Variants in ADAMTSL1 observed in about 807,000 individuals in gnomAD.
ADAMTSL1 encodes the protein ADAMTS-like protein 1.
In ADAMTSL1, 126 loss-of-function variants were observed where a neutral mutation model predicts 201.8. That is an observed-to-expected ratio of 0.62 (90% confidence interval 0.54 to 0.72). ADAMTSL1 has a LOEUF of 0.72. ADAMTSL1 is among the 30% of genes least tolerant of loss of function. The pLI, the probability that ADAMTSL1 is intolerant of heterozygous loss-of-function variation, is 0.00. For synonymous variants in ADAMTSL1, 1,121 were observed against 903.4 expected (o/e 1.24, Z -4.32); for missense variants, 2,679 against 2,277.8 (o/e 1.18, Z -3.59).
chr9:18,293,575 A>T (rs1833358895), intron 2 of ADAMTSL1, among the ~76,000 whole-genome samples: 1 of 152,190 alleles, frequency 6.6e-6, no homozygotes, highest in Non-Finnish European at 1.5e-5. Flanking sequence ...AAAAAGATGA[A>T]CTTTCCTGAC....
chr9:18,144,714 A>G (rs953641420), intron 1 of ADAMTSL1, among the ~76,000 whole-genome samples: 1 of 152,168 alleles, frequency 6.6e-6, no homozygotes, highest in Non-Finnish European at 1.5e-5. Flanking sequence ...TTAAAACTTT[A>G]TGTTAAATGA....
At chr9:18,207,706 A>G (rs1829711339) in intron 2 of ADAMTSL1, among the ~76,000 whole-genome samples, 1 of 152,112 alleles carries the variant, frequency 6.6e-6, no homozygotes, top group African/African-American at 2.4e-5. Context: ...CCTCATCTCT[A>G]CTTTCTATTT....
chr9:18,770,637 T>C lies in ADAMTSL1; in HGVS notation c.2253T>C (p.Arg751=). Residue 751 remains arginine, a synonymous_variant, in exon 17 of 29, where the codon CGT becomes CGC. Transcript: ENST00000380548. ...SRTCGGGVQK[R]EVLCKQRMAD... is the part of the protein sequence containing the mutation. ...CGTGTGGCGGGGGTGTTCAGAAACG[T>C]GAGGTTCTTTGCAAGCAGCGCATGG... The C allele has an allele frequency of 6.2e-7, 1 of 1,613,296 alleles. No individual in the cohort carries two copies. The highest frequency in any genetic ancestry group is 1.1e-5 in the South Asian group (1 of 90,890).
chr9:18,063,578 G>A (rs1196795551), intron 1 of ADAMTSL1, among the ~76,000 whole-genome samples: 2 of 152,162 alleles, frequency 1.3e-5, no homozygotes, highest in South Asian at 2.1e-4. Flanking sequence ...TTCTGTTAGC[G>A]AAGCGAATGC....
Position 18,399,318 on chromosome 9 carries a change from T to TATATACATAC in ADAMTSL1, c.208-105506_208-105505insCATACATATA, listed in dbSNP as rs1554672311. ...ATATATATATATATATATATATATA[T>TATATACATAC]ATATATATATAAAATTATTATTTTC... On this transcript the variant is annotated intron_variant, in intron 2 of 29. Transcript: ENST00000680146. 4.8e-4 allele frequency among the ~76,000 whole-genome samples: 48 copies of TATATACATAC among 100,770 alleles called. 3 individuals carry two copies. The highest frequency in any genetic ancestry group is 1.5e-3 in the South Asian group (4 of 2,648). The allele number at this position is 100,770 out of a possible 152,430, so 66.1% of individuals were successfully genotyped here. A position where few individuals can be genotyped will look rare whatever the true frequency, so the allele number is the denominator to read the frequency against.
intron 4 of ADAMTSL1, among the ~76,000 whole-genome samples, chr9:18,608,600 T>A (rs77345538): frequency 6.6e-6 from 1 of 152,312 alleles, no homozygotes; most frequent in African/African-American, 2.4e-5. Flanking sequence ...GTGCAGTGAT[T>A]CAGCAAAATG....
At chr9:18,878,307 C>A (rs745600589) in intron 23 of ADAMTSL1, among the ~76,000 whole-genome samples, 1 of 152,240 alleles carries the variant, frequency 6.6e-6, no homozygotes, top group East Asian at 1.9e-4. Context: ...GGATTCTGTC[C>A]AGGAAACTTC....
At chr9:18,559,834 C>T (rs1821356929) in intron 3 of ADAMTSL1, among the ~76,000 whole-genome samples, 1 of 152,118 alleles carries the variant, frequency 6.6e-6, no homozygotes, top group African/African-American at 2.4e-5. Context: ...TAAAGGAATG[C>T]TTGTGATTTT....
intron 2 of ADAMTSL1, among the ~76,000 whole-genome samples, chr9:18,446,665 A>C (rs1297994285): frequency 6.6e-6 from 1 of 152,226 alleles, no homozygotes; most frequent in Non-Finnish European, 1.5e-5. Flanking sequence ...AACAAAATAG[A>C]ATCAGCAAAG....
chr9:18,254,827 T>C (rs1831620300), intron 2 of ADAMTSL1, among the ~76,000 whole-genome samples: 1 of 152,120 alleles, frequency 6.6e-6, no homozygotes, highest in African/African-American at 2.4e-5. Context: ...TTGTCGGCTT[T>C]GCTAATTTAC....
intron 2 of ADAMTSL1, among the ~76,000 whole-genome samples, chr9:18,320,663 G>T (rs578245578): frequency 1.3e-5 from 2 of 152,262 alleles, no homozygotes; most frequent in African/African-American, 4.8e-5. Context: ...ACATTACATT[G>T]TGAGGTGTAT....
chr9:18,477,854 A>G (rs1314564142), intron 1 of ADAMTSL1, among the ~76,000 whole-genome samples: 1 of 152,178 alleles, frequency 6.6e-6, no homozygotes, highest in Non-Finnish European at 1.5e-5. Flanking sequence ...TTATTTTCAC[A>G]TAACACCATT....
intron 2 of ADAMTSL1, among the ~76,000 whole-genome samples, chr9:18,277,565 C>G (rs1832631913): frequency 1.3e-5 from 2 of 152,022 alleles, no homozygotes; most frequent in Admixed American, 6.6e-5. Context: ...AACTTAAAGC[C>G]TATTTTGTCT....
intron 20 of ADAMTSL1, among the ~76,000 whole-genome samples, chr9:18,814,948 A>G (rs570440219): frequency 1.3e-5 from 2 of 152,344 alleles, no homozygotes; most frequent in South Asian, 4.1e-4. Flanking sequence ...CAACAGGCAT[A>G]TGAAAAAATG....
At chr9:18,434,330 G>T (rs1283242988) in intron 2 of ADAMTSL1, among the ~76,000 whole-genome samples, 1 of 152,126 alleles carries the variant, frequency 6.6e-6, no homozygotes, top group Non-Finnish European at 1.5e-5. Flanking sequence ...GCTCCACCAT[G>T]CATCCCTTCT....
intron 3 of ADAMTSL1, among the ~76,000 whole-genome samples, chr9:18,550,021 A>G (rs1820705466): frequency 6.6e-6 from 1 of 151,980 alleles, no homozygotes. Context: ...TGGGTCACTG[A>G]GTTACCCCAC....
chr9:18,088,083 C>T (rs1025905269), intron 1 of ADAMTSL1, among the ~76,000 whole-genome samples: 65 of 152,006 alleles, frequency 4.3e-4, no homozygotes, highest in African/African-American at 1.5e-3. Flanking sequence ...GAATAGAGAA[C>T]CTAGAATTAC....
chr9:18,001,774 TAC>T (rs1819620207), intron 1 of ADAMTSL1, among the ~76,000 whole-genome samples: 1 of 152,000 alleles, frequency 6.6e-6, no homozygotes, highest in Non-Finnish European at 1.5e-5. Context: ...GGCATTGTGA[TAC>T]CACTGAGGAG....
chr9:18,199,384 A>C (rs1829334132), intron 2 of ADAMTSL1, among the ~76,000 whole-genome samples: 1 of 152,132 alleles, frequency 6.6e-6, no homozygotes, highest in African/African-American at 2.4e-5. Context: ...TATTATTGAA[A>C]TAATGAACCC....
Sources: allele counts gnomAD v4.1 joint callset (sites outside exome capture counted in the v4.1 genomes callset), GRCh38; gene constraint gnomAD v4.1.1; transcripts MANE v1.5; gene names NCBI Gene and HGNC (gene_info 2026-07-23, HGNC 2026-07-21).